EPB41L4B: variants seen among roughly 807,000 people sequenced by gnomAD.
EPB41L4B encodes erythrocyte membrane protein band 4.1 like 4B.
EPB41L4B carries 30 observed loss-of-function variants against 112.5 expected under a neutral mutation model. The ratio of observed to expected loss-of-function variants is 0.27; its 90% CI spans 0.20 to 0.36. EPB41L4B has a LOEUF of 0.36. Among genes scored for constraint, EPB41L4B ranks in the 10% least tolerant of loss-of-function variants. The pLI, the probability that EPB41L4B is intolerant of heterozygous loss-of-function variation, is 1.00. For synonymous variants in EPB41L4B, 408 were observed against 439.7 expected (o/e 0.93, Z 0.90); for missense variants, 1,024 against 1,133.3 (o/e 0.90, Z 1.38).
intron 17 of EPB41L4B, among the ~76,000 whole-genome samples, chr9:109,211,497 A>C (rs996668231): frequency 1.3e-5 from 2 of 149,468 alleles, no homozygotes; most frequent in Admixed American, 6.7e-5. Context: ...TGGGAGGCTG[A>C]GGCAGAGGAA....
rs1243701164 is a variant in EPB41L4B at position 109,320,826 on chromosome 9, G to C, written c.-380C>G. 1 of 145,332 alleles carries C rather than the reference G, an allele frequency of 6.9e-6. No homozygotes were observed. The highest frequency in any genetic ancestry group is 1.5e-5 in the Non-Finnish European group (1 of 65,366). 9.0% of individuals were successfully genotyped at this position (145,332 alleles called of 1,614,324 possible). ...GGGCGCGGGAGGCGGGCTGCGGGCT[G>C]CTCCCGCGCCGCGCGCCGGCCGAGG... On this transcript the variant is annotated 5_prime_UTR_variant, in exon 1 of 26. Transcript: ENST00000374566.
At chr9:109,203,555 T>C (rs1039433670) in intron 19 of EPB41L4B, 108 bp downstream of exon 19, 4 of 925,248 alleles carry the variant, frequency 4.3e-6, no homozygotes, top group Middle Eastern at 2.1e-4. Context: ...TTCTCTGTTT[T>C]ATTTGTCCTC....
Position 109,213,722 on chromosome 9 carries a change from G to A in EPB41L4B, c.1730C>T (p.Pro577Leu). ...CACCTTGTTTATGTTGATGTGCAGA[G>A]GAGGCCAGGGTCCAGCAGCCTTCAC... Reference protein sequence around the residue: ...ETVKAAGPWPPLHININKAEE... With the variant: ...ETVKAAGPWPLLHININKAEE... Residue 577 changes from proline (P) to leucine (L), a missense_variant, in exon 17 of 26, where the codon CCT (proline) becomes CTT (leucine). Coordinates refer to ENST00000374566, the MANE Select transcript of EPB41L4B (RefSeq NM_019114.5). The A allele has an allele frequency of 6.2e-7, 1 of 1,614,074 alleles. No individual in the cohort carries two copies. The highest frequency in any genetic ancestry group is 2.2e-5 in the East Asian group (1 of 44,870).
chr9:109,257,468 C>T (rs1024168905), intron 7 of EPB41L4B, among the ~76,000 whole-genome samples: 9 of 152,074 alleles, frequency 5.9e-5, no homozygotes, highest in Admixed American at 3.9e-4. Flanking sequence ...GTACAGCACA[C>T]GGTCTCAAAT....
intron 20 of EPB41L4B, among the ~76,000 whole-genome samples, chr9:109,198,972 C>T (rs1832734278): frequency 6.6e-6 from 1 of 151,112 alleles, no homozygotes. Flanking sequence ...AGTACTACAA[C>T]TATTACTAGT....
chr9:109,255,610 C>T lies in EPB41L4B; in HGVS notation c.1070G>A (p.Cys357Tyr). Residue 357 changes from cysteine (C) to tyrosine (Y), a missense_variant, in exon 11 of 26, where the codon TGT becomes TAT. Physicochemically the swap from Cys to Tyr is radical, Grantham distance 194. Coordinates refer to ENST00000374566, the MANE Select transcript of EPB41L4B (RefSeq NM_019114.5). ...GAAGAATGCGTGGTGCTCAACTGCA[C>T]ACTTCCAAAGGTGTTTGCAGGTCCT... ...SARTCKHLWKCAVEHHAFFRL... is the reference protein window; with the variant it reads ...SARTCKHLWKYAVEHHAFFRL... 6.2e-7 allele frequency: 1 copy of T among 1,614,192 alleles called. No individual in the cohort carries two copies. Among genetic ancestry groups the T allele is most frequent in the Non-Finnish European group, 8.5e-7 (1 of 1,180,034 alleles).
intron 2 of EPB41L4B, among the ~76,000 whole-genome samples, chr9:109,278,817 C>T (rs148194607): frequency 1.3e-5 from 2 of 152,122 alleles, no homozygotes; most frequent in African/African-American, 2.4e-5. Flanking sequence ...TTTAGATTGT[C>T]GAATAAATTA....
chr9:109,253,383 G>A (rs1834865435), intron 12 of EPB41L4B, 58 bp downstream of exon 12: 2 of 1,226,954 alleles, frequency 1.6e-6, no homozygotes, highest in African/African-American at 1.5e-5. Flanking sequence ...AGCTCCTCGA[G>A]GGCTTAAATG....
rs140591760 is a variant in EPB41L4B at position 109,281,662 on chromosome 9, C to T, written c.307-1741G>A. Among the ~76,000 whole-genome samples, 99 of 151,016 alleles carry T rather than the reference C, an allele frequency of 6.6e-4. 1 individual carries two copies. The highest frequency in any genetic ancestry group is 3.9e-3 in the East Asian group (20 of 5,128). On this transcript the variant is annotated intron_variant, in intron 1 of 25. Coordinates refer to ENST00000374566, the MANE Select transcript of EPB41L4B (RefSeq NM_019114.5). ...ATTGTGCCACTGCACTCAGCCTCGG[C>T]GGTAGAGCGAGACTCCGTCTCATAA...
At position 109,176,627 on chromosome 9, in the gene EPB41L4B, G is replaced by C. The variant is rs1831850387; in HGVS notation, c.2557C>G (p.Leu853Val). Residue 853 changes from leucine to valine, a missense_variant, in exon 25 of 26, where the codon CTG becomes GTG. Physicochemically the swap from Leu to Val is conservative, Grantham distance 32. Coordinates refer to ENST00000374566, the MANE Select transcript of EPB41L4B (RefSeq NM_019114.5). ...GAGACGGTCTCTGTCAAAGGCCTCA[G>C]GGTCGCTGCTGGGATCAGCGGGGAA... ...PTSPLIPAAT[L>V]RPLTETVSTV... 1 of 1,614,070 alleles carries C rather than the reference G, an allele frequency of 6.2e-7. No homozygotes were observed. Among genetic ancestry groups the C allele is most frequent in the East Asian group, 2.2e-5 (1 of 44,876 alleles).
intron 1 of EPB41L4B, 83 bp downstream of exon 1, chr9:109,320,058 G>GC (rs1183889084): frequency 9.4e-6 from 11 of 1,173,664 alleles, no homozygotes; most frequent in South Asian, 2.3e-5. Context: ...CAAGGGAAGC[G>GC]CCCCCGATGC....
chr9:109,211,308 A>G (rs1417618111), intron 17 of EPB41L4B, among the ~76,000 whole-genome samples: 1 of 152,148 alleles, frequency 6.6e-6, no homozygotes, highest in Non-Finnish European at 1.5e-5. Flanking sequence ...AACAAATTAA[A>G]GTGTGGCCAG....
chr9:109,209,965 T>G lies in EPB41L4B; in HGVS notation c.1753-1916A>C, dbSNP rs1353163697. ...CTCCTGACTAGTCAATCGTACTGCTTCCCCTTCAATTCTCTGAATCTGTTT... is the reference window on the plus strand; with the variant it reads ...CTCCTGACTAGTCAATCGTACTGCTGCCCCTTCAATTCTCTGAATCTGTTT... On this transcript the variant is annotated intron_variant, in intron 17 of 25. Coordinates refer to ENST00000374566, the MANE Select transcript of EPB41L4B (RefSeq NM_019114.5). Among the ~76,000 whole-genome samples, 15 of 152,202 alleles carry G rather than the reference T, an allele frequency of 9.9e-5. No individual in the cohort carries two copies. The East Asian group carries it at 2.9e-3, about 29-fold the overall frequency.
At chr9:109,296,581 C>T (rs1192928165) in intron 1 of EPB41L4B, among the ~76,000 whole-genome samples, 2 of 152,038 alleles carry the variant, frequency 1.3e-5, no homozygotes, top group South Asian at 2.1e-4. Context: ...GGTGGCATGC[C>T]TATTTACAGA....
chr9:109,303,674 C>T (rs1300404876), intron 1 of EPB41L4B, among the ~76,000 whole-genome samples: 1 of 151,364 alleles, frequency 6.6e-6, no homozygotes, highest in African/African-American at 2.4e-5. Flanking sequence ...CTTTTCTTTT[C>T]TTTTCTTTTT....
chr9:109,278,392 C>T (rs1421349117), intron 2 of EPB41L4B, among the ~76,000 whole-genome samples: 2 of 152,120 alleles, frequency 1.3e-5, no homozygotes, highest in Non-Finnish European at 2.9e-5. Context: ...GGCACTGTAG[C>T]CAGGATGCAT....
chr9:109,180,497 G>A (rs570399943), intron 24 of EPB41L4B, among the ~76,000 whole-genome samples: 10 of 152,162 alleles, frequency 6.6e-5, no homozygotes, highest in East Asian at 1.9e-4. Context: ...CCATGTCTCT[G>A]CCCTCTCATT....
chr9:109,268,357 A>C lies in EPB41L4B; in HGVS notation c.454+34T>G, dbSNP rs1020690083. 3.1e-6 allele frequency: 5 copies of C among 1,600,422 alleles called. No homozygotes were observed. In the African/African-American group the frequency reaches 5.4e-5, roughly 17 times the overall value. On this transcript the variant is annotated intron_variant, in intron 3 of 25. Transcript: ENST00000374566. ...GCAAAGGAGTTTACTCTCAGAAAAAAAATAAATGAGTGAGCTAAATTCTGC... is the reference window on the plus strand; with the variant it reads ...GCAAAGGAGTTTACTCTCAGAAAAACAATAAATGAGTGAGCTAAATTCTGC...
At chr9:109,252,530 G>A (rs1003950216) in intron 12 of EPB41L4B, among the ~76,000 whole-genome samples, 1 of 152,148 alleles carries the variant, frequency 6.6e-6, no homozygotes, top group African/African-American at 2.4e-5. Flanking sequence ...TCATGCTGTT[G>A]CACCATCGGT....
Sources: gnomAD v4.1 joint callset for allele counts (sites outside exome capture counted in the v4.1 genomes callset) on GRCh38, gnomAD v4.1.1 for gene constraint, MANE v1.5 for transcripts, NCBI Gene and HGNC (gene_info 2026-07-23, HGNC 2026-07-21) for gene names.